SYNE2: variants seen among roughly 807,000 people sequenced by gnomAD.
SYNE2 encodes nesprin-2.
SYNE2 carries 431 observed loss-of-function variants against 856.3 expected under a neutral mutation model. The ratio of observed to expected loss-of-function variants is 0.50; its 90% CI spans 0.47 to 0.55. SYNE2 has a LOEUF of 0.55. SYNE2 is among the 20% of genes least tolerant of loss of function. The pLI is 0.00. For missense variants in SYNE2, 8,129 were observed against 8,023.2 expected, an observed-to-expected ratio of 1.01 and a Z score of -0.50; for synonymous variants, 2,923 against 2,872.3, an observed-to-expected ratio of 1.02 and a Z score of -0.56.
chr14:64,163,699 T>A, intron 89 of SYNE2, 118 bp downstream of exon 89: 3 of 1,140,986 alleles, frequency 2.6e-6, no homozygotes, highest in Non-Finnish European at 3.8e-6. Context: ...AATTACAGAC[T>A]GAAGCTGCTC....
intron 1 of SYNE2, among the ~76,000 whole-genome samples, chr14:63,869,545 C>T (rs1056392446): frequency 2.1e-5 from 3 of 140,348 alleles, no homozygotes; most frequent in Non-Finnish European, 3.0e-5. Flanking sequence ...TCGCTTGAAA[C>T]GGAGGTGGTG....
chr14:64,218,757 G>A (rs1253436950), intron 109 of SYNE2, among the ~76,000 whole-genome samples: 1 of 152,182 alleles, frequency 6.6e-6, no homozygotes. Flanking sequence ...AGGAAGTGCA[G>A]GTTTTCACTT....
intron 64 of SYNE2, 27 bp from the exon 65 acceptor site, chr14:64,107,464 C>A (rs1178272652): frequency 6.3e-7 from 1 of 1,592,884 alleles, no homozygotes; most frequent in Admixed American, 1.7e-5. Flanking sequence ...AGGACCCTTT[C>A]TGGAGCTCTG....
At chr14:63,996,415 C>G (rs778023398) in intron 23 of SYNE2, among the ~76,000 whole-genome samples, 27 of 152,218 alleles carry the variant, frequency 1.8e-4, no homozygotes, top group African/African-American at 6.3e-4. Context: ...ACCCCCAGGA[C>G]AATTCCAGGC....
intron 12 of SYNE2, among the ~76,000 whole-genome samples, chr14:63,976,932 A>G (rs1236628908): frequency 1.3e-5 from 2 of 151,484 alleles, no homozygotes; most frequent in Non-Finnish European, 2.9e-5. Flanking sequence ...AACAATTAGG[A>G]TAGAATCTAA....
chr14:64,098,018 T>C lies in SYNE2; in HGVS notation c.12178T>C (p.Leu4060=), dbSNP rs754010975. The change falls in exon 62 of 116, where the codon TTG becomes CTG. Residue 4060 remains leucine (L), a synonymous_variant. Coordinates refer to ENST00000555002, the MANE Select transcript of SYNE2 (RefSeq NM_182914.3). ...GAGAAAAGAAGACCTGTTGGTGGAC[T>C]TGAAGGCCACCGTACTAAACCTTCA... ...NQRKEDLLVD[L]KATVLNLHQH... The C allele has an allele frequency of 1.2e-6, 2 of 1,614,168 alleles. No individual in the cohort carries two copies. The highest frequency in any genetic ancestry group is 1.7e-5 in the Admixed American group (1 of 60,014).
At chr14:63,958,229 T>TA (rs1474118471) in intron 8 of SYNE2, among the ~76,000 whole-genome samples, 3 of 152,184 alleles carry the variant, frequency 2.0e-5, no homozygotes, top group South Asian at 2.1e-4. Flanking sequence ...ATTAAGGTAA[T>TA]ACTTTATTCA....
chr14:63,947,768 C>T (rs371525042), intron 6 of SYNE2, among the ~76,000 whole-genome samples: 1 of 151,830 alleles, frequency 6.6e-6, no homozygotes, highest in African/African-American at 2.4e-5. Flanking sequence ...ACCTGGGAGG[C>T]GGAGGTTGCG....
intron 1 of SYNE2, among the ~76,000 whole-genome samples, chr14:63,857,219 G>T (rs1892042098): frequency 6.6e-6 from 1 of 152,132 alleles, no homozygotes; most frequent in African/African-American, 2.4e-5. Flanking sequence ...AGAATGTTAT[G>T]TAAATGGAAT....
At position 63,882,907 on chromosome 14, in the gene SYNE2, A is replaced by G. The variant is rs116685033; in HGVS notation, c.-51-26191A>G. 4.1e-3 allele frequency among the ~76,000 whole-genome samples: 623 copies of G among 151,936 alleles called. 9 individuals carry two copies. Among genetic ancestry groups the G allele is most frequent in the African/African-American group, 0.014 (586 of 41,422 alleles). The stretch of plus-strand genomic sequence containing the variant: ...TTGGTTTCATCTATAAATTGTTGAT[A>G]TGGTTATTATCCATGTCAGAGAAGT... On this transcript the variant is annotated intron_variant, in intron 1 of 115. Transcript: ENST00000555002.
intron 107 of SYNE2, chr14:64,215,760 CTGA>C (rs2098663526): frequency 4.9e-6 from 2 of 408,180 alleles, no homozygotes; most frequent in African/African-American, 4.1e-5. Context: ...GTAAAGGGTG[CTGA>C]TGATTTGCCA....
chr14:63,943,818 G>A lies in SYNE2; in HGVS notation c.408+1675G>A, dbSNP rs549579579. 2.2e-4 allele frequency among the ~76,000 whole-genome samples: 33 copies of A among 151,648 alleles called. 1 individual carries two copies. The highest frequency in any genetic ancestry group is 1.2e-3 in the South Asian group (6 of 4,808). Reference sequence around the variant, plus strand: ...CCTGAGTAGCTGGGATTACAGGTGCGCGCCACCACGCCCAGCTAATTTTTG... The same window carrying A: ...CCTGAGTAGCTGGGATTACAGGTGCACGCCACCACGCCCAGCTAATTTTTG... On this transcript the variant is annotated intron_variant, in intron 6 of 115. Coordinates refer to ENST00000555002, the MANE Select transcript of SYNE2 (RefSeq NM_182914.3).
chr14:63,892,432 C>T (rs1171529757), intron 1 of SYNE2, among the ~76,000 whole-genome samples: 1 of 150,692 alleles, frequency 6.6e-6, no homozygotes, highest in Non-Finnish European at 1.5e-5. Flanking sequence ...TCTTGAAAAC[C>T]CAAGGAAAAA....
At chr14:63,800,445 G>A (rs891876825) in intron 1 of SYNE2, among the ~76,000 whole-genome samples, 2 of 151,992 alleles carry the variant, frequency 1.3e-5, no homozygotes, top group Admixed American at 6.6e-5. Flanking sequence ...GTACAGATGG[G>A]GTTTCTCTCT....
In SYNE2 at chr14:63,780,370, C is replaced by T. The variant is rs192713166; in HGVS notation, c.-305+18384C>T. Among the ~76,000 whole-genome samples, 421 of 152,154 alleles carry T rather than the reference C, an allele frequency of 2.8e-3. 2 individuals carry two copies. Among genetic ancestry groups the T allele is most frequent in the Admixed American group, 4.5e-3 (69 of 15,270 alleles). On this transcript the variant is annotated intron_variant, in intron 1 of 23. Coordinates refer to the SYNE2 transcript ENST00000674003. ...CAAACATGGCGAAACCTCATCTCTA[C>T]TAAAAATACAAAACTTAGCTGGGCA...
chr14:63,872,407 C>T (rs1897060303), intron 1 of SYNE2, among the ~76,000 whole-genome samples: 1 of 149,774 alleles, frequency 6.7e-6, no homozygotes, highest in Admixed American at 6.7e-5. Context: ...ACTCCACACC[C>T]TGGTGACAAA....
intron 83 of SYNE2, among the ~76,000 whole-genome samples, chr14:64,144,477 TACAA>T (rs2153695220): frequency 6.6e-6 from 1 of 152,252 alleles, no homozygotes; most frequent in East Asian, 1.9e-4. Flanking sequence ...ACAATTAAGA[TACAA>T]GTACATGAAT....
chr14:63,935,989 T>C lies in SYNE2; in HGVS notation c.80-4625T>C, dbSNP rs375704111. On this transcript the variant is annotated intron_variant, in intron 2 of 115. Coordinates refer to ENST00000555002, the MANE Select transcript of SYNE2 (RefSeq NM_182914.3). ...TGCCACATTCAAGCGATTCTCCTGC[T>C]TCAGCCTCCTGAGTAGCTGGGATTA... 1.6e-3 allele frequency among the ~76,000 whole-genome samples: 248 copies of C among 152,276 alleles called. 1 individual carries two copies. The highest frequency in any genetic ancestry group is 5.3e-3 in the African/African-American group (220 of 41,554).
rs2096556200 is a variant in SYNE2 at position 63,977,826 on chromosome 14, A to G, written c.1294-79A>G. ...TGATTTTTTTTTGAAAAAAGATGTA[A>G]TGCAAGTGAGATTGACAAACCCTTA... On this transcript the variant is annotated intron_variant, in intron 12 of 115. Coordinates refer to ENST00000555002, the MANE Select transcript of SYNE2 (RefSeq NM_182914.3). 3 of 987,648 alleles carry G rather than the reference A, an allele frequency of 3.0e-6. No homozygotes were observed. The East Asian group carries it at 7.3e-5, about 24-fold the overall frequency. The allele number at this position is 987,648 out of a possible 1,614,324, so 61.2% of individuals were successfully genotyped here.
Sources: allele counts gnomAD v4.1 joint callset (sites outside exome capture counted in the v4.1 genomes callset), GRCh38; gene constraint gnomAD v4.1.1; transcripts MANE v1.5; gene names NCBI Gene and HGNC (gene_info 2026-07-23, HGNC 2026-07-21).